PLPPR1: variants seen among roughly 807,000 people sequenced by gnomAD.
PLPPR1 encodes the protein phospholipid phosphatase related 1.
In PLPPR1, 10 loss-of-function variants were observed where a neutral mutation model predicts 33.1. The ratio of observed to expected loss-of-function variants is 0.30; its 90% CI spans 0.19 to 0.51. The LOEUF is 0.51. PLPPR1 is among the 20% of genes least tolerant of loss of function. The probability of loss-of-function intolerance (pLI) is 0.97; values close to 1 mark genes in which losing one functional copy is unlikely to be tolerated. For synonymous variants in PLPPR1, 151 were observed against 151.0 expected (o/e 1.00, Z 0.00); for missense variants, 304 against 408.1 (o/e 0.74, Z 2.20).
chr9:101,233,460 G>T (rs1409984562), intron 2 of PLPPR1, among the ~76,000 whole-genome samples: 1 of 151,966 alleles, frequency 6.6e-6, no homozygotes, highest in Non-Finnish European at 1.5e-5. Context: ...TGACCCAACG[G>T]GGATGGGAGT....
At chr9:101,246,857 G>T (rs1341351355) in intron 2 of PLPPR1, among the ~76,000 whole-genome samples, 1 of 152,024 alleles carries the variant, frequency 6.6e-6, no homozygotes, top group Non-Finnish European at 1.5e-5. Context: ...ACATCTGGGA[G>T]TTACTTTGCT....
chr9:101,299,611 A>ACT (rs111323040), intron 4 of PLPPR1, among the ~76,000 whole-genome samples: 24,175 of 152,048 alleles, frequency 0.16, 2,451 homozygotes, highest in African/African-American at 0.28. Context: ...GTCATATGAG[A>ACT]CTAGTGATTC....
At chr9:101,125,729 A>G (rs1399663280) in intron 1 of PLPPR1, 3 of 786,418 alleles carry the variant, frequency 3.8e-6, no homozygotes, top group Non-Finnish European at 5.8e-6. Context: ...AATATTTTCA[A>G]TGAATTTGTG....
At chr9:101,101,554 C>T (rs1210892024) in intron 1 of PLPPR1, among the ~76,000 whole-genome samples, 1 of 150,456 alleles carries the variant, frequency 6.6e-6, no homozygotes, top group Non-Finnish European at 1.5e-5. Context: ...AACAATTCAG[C>T]ATCAGACATT....
chr9:101,190,466 G>A (rs12379277), intron 2 of PLPPR1, among the ~76,000 whole-genome samples: 80,769 of 151,972 alleles, frequency 0.53, 22,774 homozygotes, highest in Non-Finnish European at 0.62. Context: ...GACAGATCCA[G>A]GGTGGTAATG....
intron 2 of PLPPR1, among the ~76,000 whole-genome samples, chr9:101,233,699 G>C (rs1827237548): frequency 6.6e-6 from 1 of 151,842 alleles, no homozygotes; most frequent in African/African-American, 2.4e-5. Context: ...CCAGATCCCA[G>C]CTCCTTGATA....
chr9:101,304,298 G>C (rs549398498), intron 4 of PLPPR1, among the ~76,000 whole-genome samples: 1 of 152,334 alleles, frequency 6.6e-6, no homozygotes, highest in South Asian at 2.1e-4. Flanking sequence ...ATATGGACAA[G>C]TTTCTATGCT....
At chr9:101,238,401 G>T (rs375228766) in intron 2 of PLPPR1, among the ~76,000 whole-genome samples, 2 of 144,472 alleles carry the variant, frequency 1.4e-5, no homozygotes, top group East Asian at 2.1e-4. Context: ...TGATGGAATT[G>T]TGTGTGTGTG....
At chr9:101,083,280 T>C (rs975646980) in intron 1 of PLPPR1, among the ~76,000 whole-genome samples, 1 of 151,242 alleles carries the variant, frequency 6.6e-6, no homozygotes, top group African/African-American at 2.4e-5. Flanking sequence ...TGCCTCAGCC[T>C]CCTGAATAGC....
rs563954515 is a variant in PLPPR1, at chr9:101,235,891, T to C, written c.64-33989T>C. ...AAGCAGCTATGAAGTTATTCCATGC[T>C]TGGCTGGCTTTATAAAAAATAATTT... On this transcript the variant is annotated intron_variant, in intron 2 of 7. Coordinates refer to ENST00000374874, the MANE Select transcript of PLPPR1 (RefSeq NM_207299.2). Among the ~76,000 whole-genome samples, 7 of 151,948 alleles carry C rather than the reference T, an allele frequency of 4.6e-5. No individual in the cohort carries two copies. In the South Asian group the frequency reaches 1.4e-3, roughly 31 times the overall value.
chr9:101,209,009 A>G lies in PLPPR1; in HGVS notation c.63+23452A>G, dbSNP rs138177031. On this transcript the variant is annotated intron_variant, in intron 2 of 7. Coordinates refer to ENST00000374874, the MANE Select transcript of PLPPR1 (RefSeq NM_207299.2). ...CTACCCTCAGCTCAGAAACTAATAA[A>G]CTGAAAGAATTCATTTTAAAAAATT... Among the ~76,000 whole-genome samples the G allele has an allele frequency of 3.2e-4, 48 of 152,300 alleles. 2 individuals carry two copies. Among genetic ancestry groups the G allele is most frequent in the South Asian group, 3.1e-3 (15 of 4,828 alleles).
At chr9:101,251,434 G>A (rs1213757125) in intron 2 of PLPPR1, among the ~76,000 whole-genome samples, 1 of 152,088 alleles carries the variant, frequency 6.6e-6, no homozygotes, top group Non-Finnish European at 1.5e-5. Flanking sequence ...TAACTGATGT[G>A]TAAGCAAACC....
intron 1 of PLPPR1, among the ~76,000 whole-genome samples, chr9:101,070,290 T>C (rs1830466218): frequency 6.6e-6 from 1 of 152,140 alleles, no homozygotes; most frequent in Non-Finnish European, 1.5e-5. Context: ...GACTCGTAGA[T>C]GTTTATTATA....
intron 1 of PLPPR1, among the ~76,000 whole-genome samples, chr9:101,060,871 G>T (rs1830339079): frequency 6.6e-6 from 1 of 151,874 alleles, no homozygotes; most frequent in Admixed American, 6.6e-5. Flanking sequence ...GTACAAAAAT[G>T]TTTTATCAAT....
chr9:101,212,805 A>T (rs915153574), intron 2 of PLPPR1, among the ~76,000 whole-genome samples: 1 of 152,198 alleles, frequency 6.6e-6, no homozygotes, highest in Non-Finnish European at 1.5e-5. Flanking sequence ...GTACAAGTGT[A>T]TGATGATGTT....
chr9:101,317,225 C>G (rs1829071301), intron 6 of PLPPR1, 140 bp from the exon 7 acceptor site: 1 of 852,988 alleles, frequency 1.2e-6, no homozygotes, highest in African/African-American at 1.7e-5. Context: ...ACAGCACTTC[C>G]CATAGTCCCT....
intron 1 of PLPPR1, among the ~76,000 whole-genome samples, chr9:101,129,312 A>G (rs927360039): frequency 4.2e-5 from 6 of 143,464 alleles, no homozygotes; most frequent in African/African-American, 1.5e-4. Flanking sequence ...TTGAGAAACT[A>G]AAAAAAAAAA....
chr9:101,222,331 C>T (rs887279758), intron 2 of PLPPR1, among the ~76,000 whole-genome samples: 10 of 152,160 alleles, frequency 6.6e-5, no homozygotes, highest in African/African-American at 2.4e-4. Context: ...ATTTTTCCAT[C>T]ATATGTCTCA....
intron 1 of PLPPR1, among the ~76,000 whole-genome samples, chr9:101,083,633 ACCATAAAGCAGTGTC>A (rs1184026434): frequency 1.3e-5 from 2 of 152,142 alleles, no homozygotes; most frequent in Non-Finnish European, 1.5e-5. Flanking sequence ...TTACATCTAC[ACCATAAAGCAGTGTC>A]CCCGTAAGAG....
Sources: gnomAD v4.1 joint callset for allele counts (sites outside exome capture counted in the v4.1 genomes callset) on GRCh38, gnomAD v4.1.1 for gene constraint, MANE v1.5 for transcripts, NCBI Gene and HGNC (gene_info 2026-07-23, HGNC 2026-07-21) for gene names.